BTBD10: variants seen among roughly 807,000 people sequenced by gnomAD.
The protein encoded by BTBD10 is BTB domain containing 10, also known as BTB/POZ domain-containing protein 10.
In BTBD10, 21 loss-of-function variants were observed where a neutral mutation model predicts 53.2. That is an observed-to-expected ratio of 0.39 (90% CI 0.28 to 0.57). BTBD10 has a LOEUF of 0.57. Ranked by LOEUF, BTBD10 falls within the 20% of genes least tolerant of loss-of-function variation. The probability of loss-of-function intolerance (pLI) is 0.53; values close to 1 mark genes in which losing one functional copy is unlikely to be tolerated. For missense variants in BTBD10, 360 were observed against 594.7 expected (o/e 0.61, Z 4.10); for synonymous variants, 149 against 192.7 (o/e 0.77, Z 1.88).
chr11:13,432,449 T>C (rs1462837493), intron 2 of BTBD10, among the ~76,000 whole-genome samples: 1 of 152,164 alleles, frequency 6.6e-6, no homozygotes, highest in Non-Finnish European at 1.5e-5. Context: ...TGTACTAAAG[T>C]TATGTAAGAT....
At chr11:13,440,402 T>C (rs943592737) in intron 2 of BTBD10, 1 of 692,422 alleles carries the variant, frequency 1.4e-6, no homozygotes. Context: ...CCAAATGCCA[T>C]CTGTAAAGCT....
At chr11:13,424,492 T>A (rs933598964) in intron 2 of BTBD10, among the ~76,000 whole-genome samples, 6 of 152,228 alleles carry the variant, frequency 3.9e-5, no homozygotes, top group African/African-American at 1.4e-4. Context: ...ACAAATTATG[T>A]CCTACTATAT....
chr11:13,423,846 A>G, intron 2 of BTBD10, among the ~76,000 whole-genome samples: 1 of 152,232 alleles, frequency 6.6e-6, no homozygotes, highest in East Asian at 1.9e-4. Context: ...ACTTCTAAGG[A>G]AATAAAGGCA....
chr11:13,425,066 A>C (rs72857019), intron 2 of BTBD10, among the ~76,000 whole-genome samples: 22,932 of 152,116 alleles, frequency 0.15, 1,984 homozygotes, highest in Admixed American at 0.24. Flanking sequence ...TGAGCTGGAT[A>C]CCAGTCACAC....
At chr11:13,414,610 C>T (rs949878973) in intron 5 of BTBD10, among the ~76,000 whole-genome samples, 2 of 151,574 alleles carry the variant, frequency 1.3e-5, no homozygotes, top group African/African-American at 2.4e-5. Context: ...GCCGAGATCG[C>T]GCCACTGCAC....
intron 8 of BTBD10, among the ~76,000 whole-genome samples, chr11:13,391,272 T>A (rs181377211): frequency 4.2e-4 from 64 of 152,314 alleles, no homozygotes; most frequent in Middle Eastern, 6.8e-3. Flanking sequence ...TCCCCAAACA[T>A]GCTTTTACAC....
chr11:13,449,674 C>T (rs1487638472), intron 1 of BTBD10, among the ~76,000 whole-genome samples: 1 of 152,148 alleles, frequency 6.6e-6, no homozygotes, highest in African/African-American at 2.4e-5. Flanking sequence ...GCTCATGGTT[C>T]TGGAGGCTGG....
intron 1 of BTBD10, among the ~76,000 whole-genome samples, chr11:13,448,761 C>CCT (rs1164289934): frequency 6.6e-6 from 1 of 152,130 alleles, no homozygotes; most frequent in African/African-American, 2.4e-5. Flanking sequence ...CTGAATGGCT[C>CCT]CTCGTTTCCT....
chr11:13,404,749 A>C (rs1949781299), intron 7 of BTBD10: 288 of 249,148 alleles, frequency 1.2e-3, no homozygotes, highest in Non-Finnish European at 1.7e-3. Flanking sequence ...GAAATATCTC[A>C]ATGCAAACTC....
intron 5 of BTBD10, 90 bp downstream of exon 5, chr11:13,417,068 G>A: frequency 1.2e-6 from 1 of 838,618 alleles, no homozygotes; most frequent in Non-Finnish European, 1.9e-6. Context: ...AATAACTCCA[G>A]AGAGATATTC....
At chr11:13,393,196 A>G (rs1949451755) in intron 8 of BTBD10, among the ~76,000 whole-genome samples, 1 of 152,232 alleles carries the variant, frequency 6.6e-6, no homozygotes, top group Non-Finnish European at 1.5e-5. Context: ...AAGAGGCCTT[A>G]GGTAGGCCTG....
intron 1 of BTBD10, among the ~76,000 whole-genome samples, chr11:13,446,828 C>CA (rs1323364296): frequency 3.3e-5 from 5 of 151,710 alleles, no homozygotes; most frequent in Admixed American, 6.6e-5. Context: ...GTATTCATTA[C>CA]AAAAAAACTT....
At chr11:13,452,242 A>T (rs1361541936) in intron 1 of BTBD10, among the ~76,000 whole-genome samples, 2 of 152,222 alleles carry the variant, frequency 1.3e-5, no homozygotes, top group Admixed American at 6.5e-5. Flanking sequence ...TTTCATATGT[A>T]TGAAAGACAA....
chr11:13,462,505 C>G (rs1951121485), intron 1 of BTBD10: 1 of 152,222 alleles, frequency 6.6e-6, no homozygotes, highest in Non-Finnish European at 1.5e-5. Context: ...AATTACTAAC[C>G]GATGTCTCAC....
chr11:13,416,042 CA>C (rs1034714894), intron 5 of BTBD10, among the ~76,000 whole-genome samples: 2 of 151,260 alleles, frequency 1.3e-5, no homozygotes, highest in African/African-American at 4.8e-5. Flanking sequence ...GTTAAAACCT[CA>C]AAAAAAAGTT....
intron 2 of BTBD10, among the ~76,000 whole-genome samples, chr11:13,425,830 C>G (rs1233024965): frequency 6.6e-6 from 1 of 152,096 alleles, no homozygotes; most frequent in Admixed American, 6.5e-5. Context: ...TGAAATATCA[C>G]TCAGTACCTC....
intron 1 of BTBD10, among the ~76,000 whole-genome samples, chr11:13,452,035 A>G (rs1950870699): frequency 6.6e-6 from 1 of 152,200 alleles, no homozygotes; most frequent in African/African-American, 2.4e-5. Context: ...CTTGGAAAAC[A>G]GATCAATAGA....
chr11:13,415,678 T>C (rs530947606), intron 5 of BTBD10, among the ~76,000 whole-genome samples: 1 of 152,266 alleles, frequency 6.6e-6, no homozygotes, highest in Admixed American at 6.5e-5. Context: ...GAATGTTACG[T>C]AGTTTGTAAA....
chr11:13,408,260 A>G (rs1055426334), intron 6 of BTBD10, among the ~76,000 whole-genome samples: 1 of 152,110 alleles, frequency 6.6e-6, no homozygotes, highest in Non-Finnish European at 1.5e-5. Flanking sequence ...CCAAATTACT[A>G]CAAAATCTTT....
Sources: gnomAD v4.1 joint callset for allele counts (sites outside exome capture counted in the v4.1 genomes callset) on GRCh38, gnomAD v4.1.1 for gene constraint, MANE v1.5 for transcripts, NCBI Gene and HGNC (gene_info 2026-07-23, HGNC 2026-07-21) for gene names.